The following FRAS1 variants were observed in gnomAD, a reference collection of about 807,000 sequenced individuals.
FRAS1 encodes Fraser extracellular matrix complex subunit 1, also known as extracellular matrix organizing protein FRAS1.
A neutral mutation model predicts 435.2 loss-of-function variants in FRAS1; 290 were observed. The observed-to-expected ratio is 0.67, with a 90% CI of 0.61 to 0.73. FRAS1 has a LOEUF of 0.73. Among genes scored for constraint, FRAS1 ranks in the 30% least tolerant of loss-of-function variants. FRAS1 has a pLI of 0.00. For missense variants in FRAS1, 4,860 were observed against 5,001.5 expected (o/e 0.97, Z 0.85); for synonymous variants, 1,800 against 1,851.0 (o/e 0.97, Z 0.71).
At chr4:78,343,299 CAAT>C (rs926069965) in intron 20 of FRAS1, among the ~76,000 whole-genome samples, 8 of 84,406 alleles carry the variant, frequency 9.5e-5, no homozygotes, top group African/African-American at 3.9e-4. Flanking sequence ...ATATGCAGAA[CAAT>C]ATTTTGGAGT....
chr4:78,281,328 T>A, intron 10 of FRAS1, 70 bp from the exon 11 acceptor site: 1 of 1,054,494 alleles, frequency 9.5e-7, no homozygotes, highest in Non-Finnish European at 1.4e-6. Context: ...TAACTCCTAA[T>A]GAAAAAATAA....
chr4:78,125,277 A>G (rs1183917321), intron 2 of FRAS1, among the ~76,000 whole-genome samples: 3 of 152,132 alleles, frequency 2.0e-5, no homozygotes, highest in African/African-American at 7.2e-5. Context: ...AGGCTGTTCA[A>G]TTTCCATGTA....
intron 69 of FRAS1, among the ~76,000 whole-genome samples, chr4:78,526,151 T>C (rs1000804549): frequency 6.6e-6 from 1 of 152,166 alleles, no homozygotes; most frequent in African/African-American, 2.4e-5. Context: ...TGGGAATGCA[T>C]TGAATAGGGT....
At chr4:78,294,898 A>C (rs548213223) in intron 14 of FRAS1, among the ~76,000 whole-genome samples, 1 of 152,330 alleles carries the variant, frequency 6.6e-6, no homozygotes, top group South Asian at 2.1e-4. Context: ...TATAATAAAA[A>C]GTCAGCTAAA....
At chr4:78,244,766 T>A (rs1292897397) in intron 3 of FRAS1, among the ~76,000 whole-genome samples, 1 of 152,182 alleles carries the variant, frequency 6.6e-6, no homozygotes, top group Admixed American at 6.5e-5. Flanking sequence ...TCTCAGAACT[T>A]TGTCCTGCAA....
chr4:78,346,860 G>A (rs531156275), intron 20 of FRAS1, among the ~76,000 whole-genome samples: 16 of 152,148 alleles, frequency 1.1e-4, no homozygotes, highest in African/African-American at 3.6e-4. Flanking sequence ...CTCCACTCAG[G>A]TGTTTCCTCT....
chr4:78,189,857 C>T (rs1266062585), intron 2 of FRAS1, among the ~76,000 whole-genome samples: 1 of 152,148 alleles, frequency 6.6e-6, no homozygotes, highest in Non-Finnish European at 1.5e-5. Flanking sequence ...TAATTTTTGG[C>T]TAAAGCCAAA....
At chr4:78,520,814 T>C (rs560355785) in intron 67 of FRAS1, among the ~76,000 whole-genome samples, 2 of 152,356 alleles carry the variant, frequency 1.3e-5, no homozygotes, top group African/African-American at 4.8e-5. Flanking sequence ...TGTAGTCCTT[T>C]CTTCTGTGAA....
At chr4:78,430,250 A>G (rs991324831) in intron 36 of FRAS1, 42 bp from the exon 37 acceptor site, 4 of 1,612,766 alleles carry the variant, frequency 2.5e-6, no homozygotes, top group South Asian at 2.2e-5. Flanking sequence ...CGTCTTTAAC[A>G]TACGCTTTCT....
chr4:78,325,987 G>A lies in FRAS1; in HGVS notation c.2137+7001G>A, dbSNP rs186990672. 1.3e-5 allele frequency among the ~76,000 whole-genome samples: 2 copies of A among 152,306 alleles called. 1 individual carries two copies. The highest frequency in any genetic ancestry group is 3.9e-4 in the East Asian group (2 of 5,192). On this transcript the variant is annotated intron_variant, in intron 18 of 73. Coordinates refer to ENST00000512123, the MANE Select transcript of FRAS1 (RefSeq NM_025074.7). ...ATTCTTATAGTATAAAGTCCAAAGA[G>A]GAGAATTGTGCAGAATGACGCTGGA...
intron 2 of FRAS1, chr4:78,068,530 C>T (rs1740168253): frequency 2.2e-6 from 1 of 456,230 alleles, no homozygotes; most frequent in Non-Finnish European, 4.4e-6. Context: ...GAGCCTTGTG[C>T]AGACTTTAGC....
chr4:78,339,806 A>G (rs780320431), intron 20 of FRAS1, among the ~76,000 whole-genome samples: 1 of 152,236 alleles, frequency 6.6e-6, no homozygotes, highest in African/African-American at 2.4e-5. Flanking sequence ...CAATAGGGCC[A>G]TGAGAGTTTT....
At chr4:78,490,716 C>A (rs766038769) in intron 59 of FRAS1, among the ~76,000 whole-genome samples, 1 of 151,940 alleles carries the variant, frequency 6.6e-6, no homozygotes, top group Non-Finnish European at 1.5e-5. Context: ...GGTCTAAAAT[C>A]GACACCATAA....
intron 2 of FRAS1, among the ~76,000 whole-genome samples, chr4:78,126,491 C>T (rs1029945649): frequency 1.3e-5 from 2 of 152,222 alleles, no homozygotes; most frequent in East Asian, 1.9e-4. Flanking sequence ...GTCAATCTCA[C>T]TAGGAGCTGT....
At chr4:78,082,693 A>G (rs1740949875) in intron 2 of FRAS1, among the ~76,000 whole-genome samples, 8 of 152,136 alleles carry the variant, frequency 5.3e-5, no homozygotes, top group Admixed American at 3.9e-4. Flanking sequence ...ATAAGTAGAT[A>G]GGAAAGGAAA....
intron 67 of FRAS1, among the ~76,000 whole-genome samples, chr4:78,519,703 A>G (rs1366066568): frequency 6.6e-6 from 1 of 152,194 alleles, no homozygotes; most frequent in African/African-American, 2.4e-5. Context: ...GTCCCAGCGT[A>G]GAGGATGGCA....
At chr4:78,400,329 T>G (rs1489277975) in intron 29 of FRAS1, among the ~76,000 whole-genome samples, 1 of 152,190 alleles carries the variant, frequency 6.6e-6, no homozygotes, top group Non-Finnish European at 1.5e-5. Flanking sequence ...AGTTCTGACG[T>G]TAAGGTTTTG....
intron 70 of FRAS1, among the ~76,000 whole-genome samples, chr4:78,528,709 T>C (rs561816495): frequency 2.0e-5 from 3 of 152,164 alleles, no homozygotes; most frequent in Non-Finnish European, 4.4e-5. Flanking sequence ...AAATAAAGCT[T>C]CTATGAACCT....
At chr4:78,363,421 G>A (rs925158438) in intron 20 of FRAS1, 92 bp from the exon 21 acceptor site, 3 of 1,287,230 alleles carry the variant, frequency 2.3e-6, no homozygotes, top group Middle Eastern at 2.7e-4. Flanking sequence ...TGCAGTGTTT[G>A]TAATTGAAAT....
Sources: gnomAD v4.1 joint callset for allele counts (sites outside exome capture counted in the v4.1 genomes callset) on GRCh38, gnomAD v4.1.1 for gene constraint, MANE v1.5 for transcripts, NCBI Gene and HGNC (gene_info 2026-07-23, HGNC 2026-07-21) for gene names.